Variants in LYST observed in about 807,000 individuals in gnomAD.
LYST encodes the protein lysosomal-trafficking regulator.
In LYST, 192 loss-of-function variants were observed where a neutral mutation model predicts 413.6. That is an observed-to-expected ratio of 0.46 (90% CI 0.41 to 0.52). The LOEUF (loss-of-function observed/expected upper bound fraction) is 0.52, where lower values mean the gene tolerates loss of function less well. Ranked by LOEUF, LYST falls within the 20% of genes least tolerant of loss-of-function variation. The pLI, the probability that LYST is intolerant of heterozygous loss-of-function variation, is 0.00. For synonymous variants in LYST, 1,525 were observed against 1,567.3 expected, an observed-to-expected ratio of 0.97 and a Z score of 0.64; for missense variants, 3,815 against 4,499.9, an observed-to-expected ratio of 0.85 and a Z score of 4.35.
At chr1:235,807,118 A>T (rs1672929549) in intron 5 of LYST, among the ~76,000 whole-genome samples, 1 of 152,032 alleles carries the variant, frequency 6.6e-6, no homozygotes. Flanking sequence ...CCACCACCAC[A>T]CCTGAGGTGG....
At chr1:235,829,984 C>A in intron 3 of LYST, 1 of 415,544 alleles carries the variant, frequency 2.4e-6, no homozygotes, top group Non-Finnish European at 4.3e-6. Context: ...CGATAAAAAG[C>A]ATAGTATATA....
At chr1:235,718,258 G>A (rs1028481961) in intron 40 of LYST, among the ~76,000 whole-genome samples, 2 of 151,638 alleles carry the variant, frequency 1.3e-5, no homozygotes, top group Non-Finnish European at 2.9e-5. Flanking sequence ...TTACAGTTGA[G>A]CAAACAATAA....
rs1339737641 is a variant in LYST, at chr1:235,758,877, A to G, written c.6881+95T>C. ...AATAAACTTTTCTGTTTGTTGTATT[A>G]TAAGTGGCATAATGAAGACGTTTCC... On this transcript the variant is annotated intron_variant, in intron 23 of 52. Coordinates refer to ENST00000389793, the MANE Select transcript of LYST (RefSeq NM_000081.4). The G allele has an allele frequency of 1.5e-5, 16 of 1,035,598 alleles. 1 individual carries two copies. Among genetic ancestry groups the G allele is most frequent in the South Asian group, 1.5e-4 (11 of 75,840 alleles). The allele number at this position is 1,035,598 out of a possible 1,614,324, so 64.2% of individuals were successfully genotyped here.
intron 31 of LYST, among the ~76,000 whole-genome samples, chr1:235,740,657 T>G (rs1665295808): frequency 6.6e-6 from 1 of 152,234 alleles, no homozygotes; most frequent in South Asian, 2.1e-4. Context: ...TATACAGATT[T>G]CTCTCTACAG....
chr1:235,801,746 T>G (rs1373778163), intron 8 of LYST, among the ~76,000 whole-genome samples: 2 of 152,202 alleles, frequency 1.3e-5, no homozygotes, highest in East Asian at 3.8e-4. Context: ...TATGGTAAGC[T>G]GTACTATAAA....
At chr1:235,725,707 A>C (rs1663808253) in intron 38 of LYST, among the ~76,000 whole-genome samples, 1 of 152,206 alleles carries the variant, frequency 6.6e-6, no homozygotes. Flanking sequence ...CATTCCTGCA[A>C]ATAAAGCCCC....
intron 44 of LYST, among the ~76,000 whole-genome samples, chr1:235,705,531 G>A (rs1185340899): frequency 1.3e-5 from 2 of 151,818 alleles, no homozygotes; most frequent in African/African-American, 4.8e-5. Flanking sequence ...GATTACAGGA[G>A]TGTGCCACCA....
chr1:235,805,590 T>C (rs1672735401), intron 6 of LYST, among the ~76,000 whole-genome samples, 153 bp downstream of exon 6: 1 of 148,190 alleles, frequency 6.7e-6, no homozygotes. Context: ...TATACACATA[T>C]ATAAAAGTAA....
chr1:235,882,039 AACAC>A (rs1364438226), intron 1 of LYST, among the ~76,000 whole-genome samples: 2 of 145,416 alleles, frequency 1.4e-5, no homozygotes, highest in South Asian at 2.1e-4. Context: ...TGTATATTTA[AACAC>A]ACACACTCAC....
chr1:235,744,424 C>T (rs1305425820), intron 29 of LYST, among the ~76,000 whole-genome samples: 1 of 151,990 alleles, frequency 6.6e-6, no homozygotes, highest in Non-Finnish European at 1.5e-5. Flanking sequence ...TGCAAAATGA[C>T]TAAAACCATA....
At chr1:235,669,765 C>A (rs1463141012) in intron 50 of LYST, among the ~76,000 whole-genome samples, 1 of 152,212 alleles carries the variant, frequency 6.6e-6, no homozygotes, top group African/African-American at 2.4e-5. Flanking sequence ...AGTGTACTTT[C>A]ATTTTCAATA....
intron 1 of LYST, among the ~76,000 whole-genome samples, chr1:235,855,400 C>A (rs1458613800): frequency 3.3e-5 from 5 of 152,156 alleles, no homozygotes; most frequent in South Asian, 4.1e-4. Flanking sequence ...CTCTATTCCA[C>A]AATTAGCATT....
chr1:235,816,805 G>C (rs1033731668), intron 3 of LYST, among the ~76,000 whole-genome samples: 1 of 152,102 alleles, frequency 6.6e-6, no homozygotes, highest in African/African-American at 2.4e-5. Flanking sequence ...TACCATCCTG[G>C]ACATAGGCCC....
At chr1:235,848,244 C>G (rs1027339471) in intron 1 of LYST, among the ~76,000 whole-genome samples, 11 of 152,126 alleles carry the variant, frequency 7.2e-5, no homozygotes, top group Admixed American at 7.2e-4. Context: ...CAAAACCATG[C>G]AAATACATGG....
At chr1:235,713,450 T>C (rs1366110279) in intron 42 of LYST, among the ~76,000 whole-genome samples, 1 of 152,236 alleles carries the variant, frequency 6.6e-6, no homozygotes, top group Admixed American at 6.5e-5. Context: ...TTTAAGATTC[T>C]CTGTATTTTC....
chr1:235,744,516 T>C (rs1195541620), intron 29 of LYST, among the ~76,000 whole-genome samples: 2 of 152,190 alleles, frequency 1.3e-5, no homozygotes, highest in Non-Finnish European at 2.9e-5. Flanking sequence ...GCATGTGCTA[T>C]ACATTTACGT....
At chr1:235,803,145 A>G in intron 7 of LYST, 81 bp from the exon 8 acceptor site, 1 of 1,120,748 alleles carries the variant, frequency 8.9e-7, no homozygotes, top group Non-Finnish European at 1.3e-6. Flanking sequence ...AGTCATGTTA[A>G]GGACAGTTTC....
At chr1:235,672,501 T>C (rs1446355095) in intron 50 of LYST, among the ~76,000 whole-genome samples, 1 of 152,134 alleles carries the variant, frequency 6.6e-6, no homozygotes, top group Non-Finnish European at 1.5e-5. Context: ...TTGAATGGTG[T>C]GGAATGTTGC....
chr1:235,869,633 A>G (rs993540927), upstream of LYST, among the ~76,000 whole-genome samples: 5 of 152,268 alleles, frequency 3.3e-5, no homozygotes, highest in Admixed American at 3.3e-4. Flanking sequence ...GTAAATGTGC[A>G]TAATTTCACA....
Sources: gnomAD v4.1 joint callset for allele counts (sites outside exome capture counted in the v4.1 genomes callset) on GRCh38, gnomAD v4.1.1 for gene constraint, MANE v1.5 for transcripts, NCBI Gene and HGNC (gene_info 2026-07-23, HGNC 2026-07-21) for gene names.